CFAP251: variants seen among roughly 807,000 people sequenced by gnomAD.
CFAP251 encodes the protein cilia and flagella associated protein 251, also known as cilia- and flagella-associated protein 251.
CFAP251 carries 93 observed loss-of-function variants against 126.7 expected under a neutral mutation model. The ratio of observed to expected loss-of-function variants is 0.73; its 90% CI spans 0.62 to 0.87. The LOEUF (loss-of-function observed/expected upper bound fraction) is 0.87. Among genes scored for constraint, CFAP251 ranks in the 40% least tolerant of loss-of-function variants. CFAP251 has a pLI of 0.00. For synonymous variants in CFAP251, 503 were observed against 506.9 expected, an observed-to-expected ratio of 0.99 and a Z score of 0.10; for missense variants, 1,287 against 1,389.2, an observed-to-expected ratio of 0.93 and a Z score of 1.17.
chr12:121,975,853 G>GCT (rs1882443783), intron 19 of CFAP251, among the ~76,000 whole-genome samples, 168 bp downstream of exon 19: 1 of 152,114 alleles, frequency 6.6e-6, no homozygotes. Context: ...ACTGCCTTAT[G>GCT]GTAGAGATAT....
intron 3 of CFAP251, among the ~76,000 whole-genome samples, chr12:121,928,614 T>A (rs1880510772): frequency 7.8e-6 from 1 of 127,574 alleles, no homozygotes; most frequent in African/African-American, 3.1e-5. Flanking sequence ...CTAGATAATT[T>A]TATGTATATG....
intron 20 of CFAP251, among the ~76,000 whole-genome samples, chr12:122,001,110 G>T (rs141392139): frequency 7.1e-4 from 97 of 135,816 alleles, no homozygotes; most frequent in African/African-American, 2.4e-3. Context: ...AGGCTGAACT[G>T]CAGTGGCACG....
chr12:121,934,230 T>A lies in CFAP251; in HGVS notation c.889-17T>A, dbSNP rs1172536040. ...GCATCTTGGATGTTTCAAAGCGTTT[T>A]CTCTCCATTTCCATAGGGCCACGCC... On this transcript the variant is annotated splice_polypyrimidine_tract_variant and intron_variant, in intron 4 of 21. Coordinates refer to ENST00000288912, the MANE Select transcript of CFAP251 (RefSeq NM_144668.6). 8.1e-6 allele frequency: 13 copies of A among 1,607,830 alleles called. No homozygotes were observed. The highest frequency in any genetic ancestry group is 1.0e-5 in the Non-Finnish European group (12 of 1,176,124).
Position 121,989,689 on chromosome 12 carries a change from G to A in CFAP251, c.3007-10027G>A, listed in dbSNP as rs950187720. On this transcript the variant is annotated intron_variant, in intron 19 of 21. Coordinates refer to ENST00000288912, the MANE Select transcript of CFAP251 (RefSeq NM_144668.6). This position sits in a 1 kb window ranked among gnomAD's most constrained non-coding sequence, Gnocchi z 4.2. Reference sequence around the variant, plus strand: ...TGCCCCATTAGTTGAGAATGTTCTAGAGGGTATTGTGCGTTGGGAAGAGGG... The same window carrying A: ...TGCCCCATTAGTTGAGAATGTTCTAAAGGGTATTGTGCGTTGGGAAGAGGG... 4.6e-5 allele frequency among the ~76,000 whole-genome samples: 7 copies of A among 152,224 alleles called. No homozygotes were observed. Among genetic ancestry groups the A allele is most frequent in the Non-Finnish European group, 2.9e-5 (2 of 68,038 alleles).
intron 4 of CFAP251, chr12:121,933,162 C>T (rs972714968): frequency 6.6e-6 from 1 of 152,156 alleles, no homozygotes; most frequent in African/African-American, 2.4e-5. Flanking sequence ...AAATTGTAAC[C>T]AGTGCTTGAA....
chr12:121,928,294 T>C (rs960455427), intron 3 of CFAP251, among the ~76,000 whole-genome samples: 1 of 152,086 alleles, frequency 6.6e-6, no homozygotes, highest in Non-Finnish European at 1.5e-5. Context: ...AGTTGCAGCT[T>C]GAGACAATTA....
At chr12:121,995,035 G>C (rs1166541105) in intron 19 of CFAP251, among the ~76,000 whole-genome samples, 1 of 152,200 alleles carries the variant, frequency 6.6e-6, no homozygotes, top group Non-Finnish European at 1.5e-5. Context: ...TAGGCATTAT[G>C]TTAAGCACTT....
chr12:121,923,780 A>G lies in CFAP251; in HGVS notation c.537A>G (p.Ser179=). Residue 179 remains serine (S), a synonymous_variant, in exon 3 of 22, where the codon TCA becomes TCG. Transcript: ENST00000288912. ...QQISSPERQP[S]GELEEKTDRM... is the part of the protein sequence containing the mutation. ...TTAGTTCCCCTGAAAGGCAGCCCTC[A>G]GGAGAGCTTGAGGAGAAAACCGACC... 1 of 1,607,808 alleles carries G rather than the reference A, an allele frequency of 6.2e-7. No individual in the cohort carries two copies. Among genetic ancestry groups the G allele is most frequent in the East Asian group, 2.3e-5 (1 of 44,146 alleles).
At chr12:121,956,968 T>G (rs535331542) in intron 10 of CFAP251, 106 bp from the exon 11 acceptor site, 9 of 864,928 alleles carry the variant, frequency 1.0e-5, no homozygotes, top group Admixed American at 3.6e-5. Flanking sequence ...TTAAATTAAG[T>G]TTTTGCAATG....
chr12:121,946,718 C>T (rs1881338997), intron 7 of CFAP251, among the ~76,000 whole-genome samples: 2 of 151,944 alleles, frequency 1.3e-5, no homozygotes, highest in Admixed American at 6.6e-5. Flanking sequence ...CCACCTCAGC[C>T]TCCCAGGTGG....
At chr12:121,931,249 A>G (rs1036442224) in intron 3 of CFAP251, among the ~76,000 whole-genome samples, 1 of 152,094 alleles carries the variant, frequency 6.6e-6, no homozygotes. Context: ...ATGGAGATAT[A>G]ATTAACATGC....
rs544538681 is a variant in CFAP251 at position 122,001,347 on chromosome 12, C to T, written c.3236-150C>T. ...CTGGGATTACAGGCATGAGCCACCA[C>T]GCCCAGCCTAAATTTTTTTTTCAAT... On this transcript the variant is annotated intron_variant, in intron 20 of 21. Transcript: ENST00000288912. 5.3e-5 allele frequency: 37 copies of T among 692,322 alleles called. 1 individual carries two copies. The highest frequency in any genetic ancestry group is 3.2e-4 in the South Asian group (18 of 57,142). 42.9% of individuals were successfully genotyped at this position (692,322 alleles called of 1,614,324 possible).
rs753812392 is a variant in CFAP251 at position 122,001,606 on chromosome 12, A to C, written c.3337+8A>C. 1.2e-6 allele frequency: 2 copies of C among 1,612,624 alleles called. No homozygotes were observed. Among genetic ancestry groups the C allele is most frequent in the Non-Finnish European group, 1.7e-6 (2 of 1,178,664 alleles). ...CAACCTGCTCCGTCAAAGGTACCCC[A>C]GCTGGCTTTGTCTGGGCATGTAGCT... On this transcript the variant is annotated splice_region_variant and intron_variant, in intron 21 of 21. Transcript: ENST00000288912.
intron 19 of CFAP251, among the ~76,000 whole-genome samples, chr12:121,977,959 AG>A (rs1183050934): frequency 1.3e-5 from 2 of 151,634 alleles, no homozygotes; most frequent in Non-Finnish European, 2.9e-5. Flanking sequence ...ACTCCATCTC[AG>A]AAAAATAAAA....
chr12:121,922,520 A>G (rs920846103), intron 2 of CFAP251, among the ~76,000 whole-genome samples: 1 of 152,118 alleles, frequency 6.6e-6, no homozygotes, highest in African/African-American at 2.4e-5. Context: ...TGGCCAGGGA[A>G]AGCTTCCTGG....
Position 121,966,937 on chromosome 12 carries a change from T to C in CFAP251, c.2493-18T>C. On this transcript the variant is annotated intron_variant, in intron 15 of 21. Coordinates refer to ENST00000288912, the MANE Select transcript of CFAP251 (RefSeq NM_144668.6). The stretch of plus-strand genomic sequence containing the variant: ...AGATTTGTGGAATTTTAAAAACTCT[T>C]TCTCTTTTTGCCTTCAGAAAGACGC... The C allele has an allele frequency of 6.2e-7, 1 of 1,609,032 alleles. No homozygotes were observed. Among genetic ancestry groups the C allele is most frequent in the African/African-American group, 1.3e-5 (1 of 74,786 alleles).
chr12:121,980,883 T>A (rs1291582436), intron 19 of CFAP251, among the ~76,000 whole-genome samples: 1 of 152,234 alleles, frequency 6.6e-6, no homozygotes, highest in Non-Finnish European at 1.5e-5. Context: ...TGGCTGCAGT[T>A]CCCAGCCTCC....
At chr12:121,928,690 GTATATATATATATATT>G (rs1880550995) in intron 3 of CFAP251, among the ~76,000 whole-genome samples, 1 of 62,830 alleles carries the variant, frequency 1.6e-5, no homozygotes, top group Non-Finnish European at 3.0e-5. Flanking sequence ...ATATATATAC[GTATATATATATATATT>G]TTTTTTTTGA....
At chr12:121,998,888 T>TA (rs1269938920) in intron 19 of CFAP251, 3 of 32,180 alleles carry the variant, frequency 9.3e-5, no homozygotes, top group South Asian at 1.4e-3. Flanking sequence ...AGACCCTGTA[T>TA]CAAAAAAAAA....
Sources: allele counts gnomAD v4.1 joint callset (sites outside exome capture counted in the v4.1 genomes callset), GRCh38; gene constraint gnomAD v4.1.1; non-coding constraint Gnocchi (gnomAD v3.1); transcripts MANE v1.5; gene names NCBI Gene and HGNC (gene_info 2026-07-23, HGNC 2026-07-21).